SPTB: variants seen among roughly 807,000 people sequenced by gnomAD.
The protein encoded by SPTB is spectrin beta, erythrocytic, also known as spectrin beta chain, erythrocytic.
A neutral mutation model predicts 256.2 loss-of-function variants in SPTB; 45 were observed. The ratio of observed to expected loss-of-function variants is 0.18; its 90% CI spans 0.14 to 0.23. The LOEUF (loss-of-function observed/expected upper bound fraction) is 0.23. Among genes scored for constraint, SPTB ranks in the 10% least tolerant of loss-of-function variants. The pLI, the probability that SPTB is intolerant of heterozygous loss-of-function variation, is 1.00. For missense variants in SPTB, 2,715 were observed against 3,040.4 expected (o/e 0.89, Z 2.52); for synonymous variants, 1,231 against 1,243.1 (o/e 0.99, Z 0.21).
intron 15 of SPTB, 99 bp from the exon 16 acceptor site, chr14:64,787,259 C>T: frequency 6.7e-7 from 1 of 1,492,136 alleles, no homozygotes; most frequent in South Asian, 1.2e-5. Flanking sequence ...TCCCACAAGT[C>T]TCCCCCCACA....
At chr14:64,865,626 A>C (rs1238324790) in intron 1 of SPTB, among the ~76,000 whole-genome samples, 1 of 152,148 alleles carries the variant, frequency 6.6e-6, no homozygotes, top group Non-Finnish European at 1.5e-5. Flanking sequence ...TCTACCATGC[A>C]CCCACTGGGC....
Position 64,852,403 on chromosome 14 carries a change from G to T in SPTB, c.-52+27389C>A, listed in dbSNP as rs2083802636. Among the ~76,000 whole-genome samples, 2 of 152,206 alleles carry T rather than the reference G, an allele frequency of 1.3e-5. No individual in the cohort carries two copies. The highest frequency in any genetic ancestry group is 1.9e-4 in the East Asian group (1 of 5,200). Reference sequence around the variant, plus strand: ...ACAAGGGGAACCTGAGCAGTGGGGAGTCAGTGAAGGGTGCTAAATGGAACA... The same window carrying T: ...ACAAGGGGAACCTGAGCAGTGGGGATTCAGTGAAGGGTGCTAAATGGAACA... On this transcript the variant is annotated intron_variant, in intron 1 of 35. Coordinates refer to ENST00000644917, the MANE Select transcript of SPTB (RefSeq NM_001355436.2). This position sits in a 1 kb window ranked among gnomAD's most constrained non-coding sequence, Gnocchi z 4.2.
In SPTB at chr14:64,777,396, A is replaced by G. The variant is rs1261753188; in HGVS notation, c.4563+1761T>C. On this transcript the variant is annotated intron_variant, in intron 22 of 35. Coordinates refer to ENST00000644917, the MANE Select transcript of SPTB (RefSeq NM_001355436.2). The surrounding 1 kb of genome is among the most constrained non-coding windows in gnomAD (Gnocchi z 4.5). The stretch of plus-strand genomic sequence containing the variant: ...GGGAAACAGATGCAGCTAGGGGCCT[A>G]CCCCCAGAGATCCTAATTGATCTGA... Among the ~76,000 whole-genome samples the G allele has an allele frequency of 6.6e-6, 1 of 152,096 alleles. No homozygotes were observed.
chr14:64,818,757 T>C (rs2083236551), intron 2 of SPTB, among the ~76,000 whole-genome samples: 1 of 152,190 alleles, frequency 6.6e-6, no homozygotes, highest in Non-Finnish European at 1.5e-5. Flanking sequence ...GAAATGGGGC[T>C]GTGTGACAAT....
rs1038430224 is a variant in SPTB, at chr14:64,790,823, C to A, written c.2804+896G>T. Among the ~76,000 whole-genome samples the A allele has an allele frequency of 6.6e-6, 1 of 152,210 alleles. No individual in the cohort carries two copies. Among genetic ancestry groups the A allele is most frequent in the Admixed American group, 6.5e-5 (1 of 15,288 alleles). On this transcript the variant is annotated intron_variant, in intron 15 of 35. Coordinates refer to ENST00000644917, the MANE Select transcript of SPTB (RefSeq NM_001355436.2). This position sits in a 1 kb window ranked among gnomAD's most constrained non-coding sequence, Gnocchi z 4.8. ...GGCATTTGCGGTGTCCTCAAAGATC[C>A]TCCAGGAACTCATGGGCAATTTCAC...
At chr14:64,815,012 G>A (rs181139134) in intron 2 of SPTB, among the ~76,000 whole-genome samples, 2 of 136,178 alleles carry the variant, frequency 1.5e-5, no homozygotes, top group African/African-American at 6.2e-5. Context: ...AACTGGCAAG[G>A]TGTGTATGTG....
intron 15 of SPTB, among the ~76,000 whole-genome samples, chr14:64,788,693 T>G (rs768303825): frequency 5.3e-5 from 8 of 152,220 alleles, no homozygotes; most frequent in Non-Finnish European, 1.2e-4. Flanking sequence ...GTGGCCTCAC[T>G]GTAGCCATTG....
intron 2 of SPTB, among the ~76,000 whole-genome samples, chr14:64,808,816 A>G (rs1452684777): frequency 6.6e-6 from 1 of 152,194 alleles, no homozygotes; most frequent in Non-Finnish European, 1.5e-5. Flanking sequence ...CAGGTACATG[A>G]CACATATGGT....
chr14:64,772,985 T>TG lies in SPTB; in HGVS notation c.5179-32dup, dbSNP rs1566746544. The TG allele has an allele frequency of 3.8e-6, 6 of 1,591,516 alleles. No individual in the cohort carries two copies. In the Admixed American group the frequency reaches 1.0e-4, roughly 27 times the overall value. On this transcript the variant is annotated intron_variant, in intron 25 of 35. Coordinates refer to ENST00000644917, the MANE Select transcript of SPTB (RefSeq NM_001355436.2). The surrounding 1 kb of genome is among the most constrained non-coding windows in gnomAD (Gnocchi z 5.4). ...CATGGGGCAGACAGAAATGTGGTTA[T>TG]GGGGGGCACAGGGGTTACAGGTGTC...
Position 64,769,623 on chromosome 14 carries a change from G to A in SPTB, c.5904C>T (p.Ser1968=). 1 of 1,614,084 alleles carries A rather than the reference G, an allele frequency of 6.2e-7. No individual in the cohort carries two copies. The highest frequency in any genetic ancestry group is 8.5e-7 in the Non-Finnish European group (1 of 1,180,038). Residue 1968 remains serine, a synonymous_variant, in exon 28 of 36, where the codon TCC becomes TCT. Transcript: ENST00000644917. The stretch of plus-strand genomic sequence containing the variant: ...AGGCCTGGTGCTGCCGCTGCAGCAG[G>A]GACTCGCCAAGCTCCAGGCAGGCAC... The part of the protein sequence containing the change: ...NFSACLELGE[S]LLQRQHQASE...
intron 1 of SPTB, among the ~76,000 whole-genome samples, chr14:64,855,620 T>A (rs1179950562): frequency 6.6e-6 from 1 of 150,402 alleles, no homozygotes; most frequent in East Asian, 1.9e-4. Context: ...ATGTAATTCC[T>A]GAGAGAAATG....
chr14:64,774,972 C>A (rs1323450852), intron 23 of SPTB, among the ~76,000 whole-genome samples, 153 bp downstream of exon 23: 1 of 152,132 alleles, frequency 6.6e-6, no homozygotes, highest in Admixed American at 6.5e-5. Flanking sequence ...CAAGGAGGCA[C>A]CAAGGGAGGG....
chr14:64,783,822 A>C (rs1469396641), intron 19 of SPTB, among the ~76,000 whole-genome samples: 1 of 152,046 alleles, frequency 6.6e-6, no homozygotes, highest in Admixed American at 6.5e-5. Flanking sequence ...GGAAACGACC[A>C]CTCCCCAGTG....
Position 64,795,281 on chromosome 14 carries a change from A to G in SPTB, c.1644+56T>C. On this transcript the variant is annotated intron_variant, in intron 12 of 35. Transcript: ENST00000644917. This position sits in a 1 kb window ranked among gnomAD's most constrained non-coding sequence, Gnocchi z 6.5. ...GGAAGCCTATGCTAACTGCAGGGCC[A>G]CTGAGACCCAAGGTGAGCACTGCAG... 2 of 1,591,008 alleles carry G rather than the reference A, an allele frequency of 1.3e-6. No homozygotes were observed. The highest frequency in any genetic ancestry group is 1.7e-6 in the Non-Finnish European group (2 of 1,171,982).
rs544227459 is a variant in SPTB at position 64,852,449 on chromosome 14, T to C, written c.-52+27343A>G. ...GAACAGCATGGCTAGGCTTGCCTTC[T>C]AGAAAGATCCCTTTGGCAGGCATAT... is the stretch of plus-strand genomic sequence containing the variant. On this transcript the variant is annotated intron_variant, in intron 1 of 35. Transcript: ENST00000644917. This position sits in a 1 kb window ranked among gnomAD's most constrained non-coding sequence, Gnocchi z 4.2. Among the ~76,000 whole-genome samples the C allele has an allele frequency of 6.6e-6, 1 of 152,246 alleles. No homozygotes were observed. Among genetic ancestry groups the C allele is most frequent in the East Asian group, 1.9e-4 (1 of 5,182 alleles).
chr14:64,859,162 G>A (rs1236429781), intron 1 of SPTB, among the ~76,000 whole-genome samples: 3 of 152,174 alleles, frequency 2.0e-5, no homozygotes, highest in African/African-American at 4.8e-5. Context: ...GCTGAGGCAC[G>A]AGAATCGCTT....
intron 27 of SPTB, among the ~76,000 whole-genome samples, chr14:64,770,395 T>A (rs1288644079): frequency 6.6e-6 from 1 of 152,170 alleles, no homozygotes; most frequent in Non-Finnish European, 1.5e-5. Context: ...GGATCAGCAA[T>A]AACTGATGAA....
chr14:64,774,616 G>T, intron 23 of SPTB, 89 bp from the exon 24 acceptor site: 1 of 1,534,052 alleles, frequency 6.5e-7, no homozygotes. Context: ...GGAGGTGCCC[G>T]AGGGAGGAGG....
At position 64,793,630 on chromosome 14, in the gene SPTB, T is replaced by C; in HGVS notation, c.2033A>G (p.Lys678Arg). 1 of 1,614,210 alleles carries C rather than the reference T, an allele frequency of 6.2e-7. No homozygotes were observed. The highest frequency in any genetic ancestry group is 8.5e-7 in the Non-Finnish European group (1 of 1,180,058). ...DLTSVLILQR[K>R]HKAFEDELRG... The stretch of plus-strand genomic sequence containing the variant: ...GAGCTCATCCTCAAAGGCCTTGTGC[T>C]TGCGCTGTAAGATGAGCACACTGGT... Residue 678 changes from lysine to arginine, a missense_variant, in exon 14 of 36, where the codon AAG becomes AGG. Physicochemically the swap from Lys to Arg is conservative, Grantham distance 26 (BLOSUM62 2). Coordinates refer to ENST00000644917, the MANE Select transcript of SPTB (RefSeq NM_001355436.2). This position sits in a 1 kb window ranked among gnomAD's most constrained non-coding sequence, Gnocchi z 7.0.
Sources: allele counts gnomAD v4.1 joint callset (sites outside exome capture counted in the v4.1 genomes callset), GRCh38; gene constraint gnomAD v4.1.1; non-coding constraint Gnocchi (gnomAD v3.1); transcripts MANE v1.5; gene names NCBI Gene and HGNC (gene_info 2026-07-23, HGNC 2026-07-21).